The following TCAIM variants were observed in gnomAD, a reference collection of about 807,000 sequenced individuals.
TCAIM encodes T-cell activation inhibitor, mitochondrial.
In TCAIM, 36 loss-of-function variants were observed where a neutral mutation model predicts 58.6. That is an observed-to-expected ratio of 0.61 (90% CI 0.47 to 0.81). The LOEUF is 0.81. Ranked by LOEUF, TCAIM falls within the 30% of genes least tolerant of loss-of-function variation. TCAIM has a pLI of 0.00. For missense variants in TCAIM, 466 were observed against 579.6 expected (o/e 0.80, Z 2.01); for synonymous variants, 172 against 193.6 (o/e 0.89, Z 0.93).
intron 5 of TCAIM, among the ~76,000 whole-genome samples, chr3:44,374,613 T>G (rs1426740009): frequency 6.6e-6 from 1 of 151,992 alleles, no homozygotes; most frequent in African/African-American, 2.4e-5. Flanking sequence ...ATTAAAAAAT[T>G]AGCCAGGTGT....
chr3:44,386,011 T>TTTTTAA (rs1290874130), intron 5 of TCAIM, among the ~76,000 whole-genome samples: 1 of 151,988 alleles, frequency 6.6e-6, no homozygotes, highest in Non-Finnish European at 1.5e-5. Flanking sequence ...TTTAACCTGT[T>TTTTTAA]TTTTAATTTT....
chr3:44,387,601 C>T (rs1368084601), intron 5 of TCAIM, among the ~76,000 whole-genome samples: 4 of 152,246 alleles, frequency 2.6e-5, no homozygotes, highest in African/African-American at 9.6e-5. Flanking sequence ...AGTCAGCACG[C>T]CTGGCTGTGC....
At chr3:44,371,724 A>C (rs753662687) in intron 5 of TCAIM, among the ~76,000 whole-genome samples, 7 of 152,134 alleles carry the variant, frequency 4.6e-5, no homozygotes, top group Non-Finnish European at 8.8e-5. Context: ...CCTAAGCATG[A>C]GCATTGCCCA....
At chr3:44,370,108 T>G (rs1701441098) in intron 5 of TCAIM, among the ~76,000 whole-genome samples, 1 of 152,200 alleles carries the variant, frequency 6.6e-6, no homozygotes, top group African/African-American at 2.4e-5. Flanking sequence ...AAAAGTCAGC[T>G]TTGTTTTAAA....
intron 6 of TCAIM, among the ~76,000 whole-genome samples, chr3:44,393,281 G>C (rs575001252): frequency 6.0e-4 from 91 of 151,824 alleles, no homozygotes; most frequent in African/African-American, 1.8e-3. Context: ...AACATATAGA[G>C]ACCCCATCTC....
chr3:44,388,647 C>T (rs1023281661), intron 5 of TCAIM, among the ~76,000 whole-genome samples: 1 of 152,162 alleles, frequency 6.6e-6, no homozygotes, highest in African/African-American at 2.4e-5. Context: ...TAGATTTTTA[C>T]TTCCTCACTT....
intron 1 of TCAIM, among the ~76,000 whole-genome samples, chr3:44,344,041 T>A (rs200461561): frequency 1.2e-4 from 16 of 130,294 alleles, no homozygotes; most frequent in Admixed American, 9.5e-4. Context: ...TTTTTTTTTT[T>A]GAGAGAGTCT....
chr3:44,357,605 A>G (rs1701219513), intron 2 of TCAIM, 136 bp from the exon 3 acceptor site: 6 of 1,160,478 alleles, frequency 5.2e-6, no homozygotes, highest in Non-Finnish European at 5.7e-6. Flanking sequence ...TAAAACTAAT[A>G]GATTTCAGAA....
Position 44,364,096 on chromosome 3 carries a change from T to C in TCAIM, c.319+2578T>C, listed in dbSNP as rs527836181. The stretch of plus-strand genomic sequence containing the variant: ...GGCAAGCGCCACAATGCCCAGCTAA[T>C]TTTTGTATTTTTAGTAGAGACGGGG... On this transcript the variant is annotated intron_variant, in intron 4 of 10. Transcript: ENST00000342649. Among the ~76,000 whole-genome samples, 20 of 151,904 alleles carry C rather than the reference T, an allele frequency of 1.3e-4. 1 individual carries two copies. The highest frequency in any genetic ancestry group is 6.6e-4 in the Admixed American group (10 of 15,262).
At chr3:44,340,015 C>A (rs2125712088) in intron 1 of TCAIM, 1 of 152,264 alleles carries the variant, frequency 6.6e-6, no homozygotes, top group East Asian at 1.9e-4. Flanking sequence ...ATAGCATTTT[C>A]CAAGTGGAAG....
At chr3:44,359,298 AT>A (rs1701257318) in intron 3 of TCAIM, 1 of 159,948 alleles carries the variant, frequency 6.3e-6, no homozygotes, top group South Asian at 2.0e-4. Context: ...AACCTTGCAC[AT>A]TCCAAAGAAA....
At chr3:44,378,234 A>G (rs973653207) in intron 5 of TCAIM, among the ~76,000 whole-genome samples, 2 of 151,912 alleles carry the variant, frequency 1.3e-5, no homozygotes, top group Non-Finnish European at 2.9e-5. Context: ...TACAAAAATT[A>G]GTTGGGCATG....
rs777747726 is a variant in TCAIM, at chr3:44,392,874, G to A, written c.592G>A (p.Gly198Arg). 2 of 1,612,918 alleles carry A rather than the reference G, an allele frequency of 1.2e-6. No individual in the cohort carries two copies. The highest frequency in any genetic ancestry group is 3.3e-5 in the Admixed American group (2 of 59,940). The change falls in exon 6 of 11, where the codon GGG becomes AGG. Residue 198 changes from glycine (G) to arginine (R), a missense_variant. By Grantham distance (125) the Gly-to-Arg change is moderately radical. Transcript: ENST00000342649. Reference protein sequence around the residue: ...TTLTSWLDNNGKSAVKKLKNS... With the variant: ...TTLTSWLDNNRKSAVKKLKNS... ...TTCTAGATCCTGGTTAGATAACAAT[G>A]GGAAAAGTGCTGTTAAAAAGCTAAA...
At chr3:44,358,400 C>A in intron 3 of TCAIM, 1 of 624,798 alleles carries the variant, frequency 1.6e-6, no homozygotes. Context: ...ACAGTCAGTC[C>A]TTCATATCCA....
chr3:44,370,754 C>CTTTT (rs1331295394), intron 5 of TCAIM, among the ~76,000 whole-genome samples: 1 of 53,554 alleles, frequency 1.9e-5, no homozygotes, highest in African/African-American at 6.0e-5. Flanking sequence ...TTCTTTCTTT[C>CTTTT]TTTTTTTTTG....
chr3:44,400,117 A>T (rs1033993784), intron 8 of TCAIM, among the ~76,000 whole-genome samples: 1 of 151,266 alleles, frequency 6.6e-6, no homozygotes, highest in Non-Finnish European at 1.5e-5. Context: ...TTTGGAGCAT[A>T]TTTTTTTTTG....
At chr3:44,378,808 A>G (rs1445398762) in intron 5 of TCAIM, among the ~76,000 whole-genome samples, 1 of 151,774 alleles carries the variant, frequency 6.6e-6, no homozygotes, top group Non-Finnish European at 1.5e-5. Context: ...AAAAAAAAAA[A>G]AAATGCAAAT....
intron 6 of TCAIM, 139 bp downstream of exon 6, chr3:44,393,116 TG>T (rs1701865150): frequency 1.4e-6 from 1 of 727,004 alleles, no homozygotes; most frequent in African/African-American, 1.8e-5. Context: ...ATGAACATCA[TG>T]AAATGTTCAT....
intron 4 of TCAIM, among the ~76,000 whole-genome samples, chr3:44,365,536 C>T (rs910951130): frequency 7.2e-5 from 11 of 152,252 alleles, no homozygotes; most frequent in African/African-American, 2.6e-4. Context: ...CCTTGTTGGC[C>T]AGGCTGGTCT....
Sources: allele counts gnomAD v4.1 joint callset (sites outside exome capture counted in the v4.1 genomes callset), GRCh38; gene constraint gnomAD v4.1.1; transcripts MANE v1.5; gene names NCBI Gene and HGNC (gene_info 2026-07-23, HGNC 2026-07-21).